The following SLC7A2 variants were observed in gnomAD, a reference collection of about 807,000 sequenced individuals.
The protein encoded by SLC7A2 is cationic amino acid transporter 2.
Under a neutral mutation model 58.9 loss-of-function variants are expected in SLC7A2, and 48 were observed. The ratio of observed to expected loss-of-function variants is 0.82; its 90% confidence interval spans 0.65 to 1.04. The LOEUF is 1.04. Ranked by LOEUF, SLC7A2 falls within the 50% of genes least tolerant of loss-of-function variation. SLC7A2 has a pLI of 0.00. For synonymous variants in SLC7A2, 363 were observed against 314.5 expected, an observed-to-expected ratio of 1.15 and a Z score of -1.63; for missense variants, 1,029 against 818.8, an observed-to-expected ratio of 1.26 and a Z score of -3.13.
chr8:17,532,266 C>A (rs1358606136), intron 2 of SLC7A2, among the ~76,000 whole-genome samples: 4 of 111,990 alleles, frequency 3.6e-5, no homozygotes, highest in Admixed American at 1.0e-4. Flanking sequence ...AAAACCCCAG[C>A]AATTCTAGGG....
chr8:17,560,864 C>T (rs1054422340), intron 10 of SLC7A2, among the ~76,000 whole-genome samples: 14 of 152,142 alleles, frequency 9.2e-5, no homozygotes, highest in East Asian at 5.8e-4. Context: ...GACTGGAACC[C>T]GATGGAATTG....
chr8:17,543,120 A>T (rs1487908988), intron 2 of SLC7A2, among the ~76,000 whole-genome samples, 198 bp from the exon 3 acceptor site: 1 of 152,068 alleles, frequency 6.6e-6, no homozygotes, highest in East Asian at 1.9e-4. Context: ...ACTACAGGAA[A>T]TTCGAGGCTC....
chr8:17,568,307 T>C lies in SLC7A2; in HGVS notation c.*3161T>C, dbSNP rs1457427899. ...GCAATGGCAGTCCTACATTTAAGAA[T>C]AGAGCTATGCAAACTCTGTTAAAAA... is the stretch of plus-strand genomic sequence containing the variant. On this transcript the variant is annotated 3_prime_UTR_variant, in exon 13 of 13. Coordinates refer to ENST00000494857, the MANE Select transcript of SLC7A2 (RefSeq NM_001370338.1). 1 of 152,068 alleles carries C rather than the reference T, an allele frequency of 6.6e-6. No individual in the cohort carries two copies. Among genetic ancestry groups the C allele is most frequent in the Admixed American group, 6.5e-5 (1 of 15,268 alleles). 9.4% of individuals were successfully genotyped at this position (152,068 alleles called of 1,614,324 possible). A position where few individuals can be genotyped will look rare whatever the true frequency, so the allele number is the denominator to read the frequency against.
At chr8:17,534,206 T>G (rs576882794) in intron 2 of SLC7A2, among the ~76,000 whole-genome samples, 5 of 152,236 alleles carry the variant, frequency 3.3e-5, no homozygotes, top group African/African-American at 1.2e-4. Flanking sequence ...AGGAACATGG[T>G]TTCATCCAGG....
intron 8 of SLC7A2, among the ~76,000 whole-genome samples, chr8:17,556,576 C>T (rs1234495986): frequency 6.6e-6 from 1 of 151,660 alleles, no homozygotes; most frequent in Admixed American, 6.6e-5. Context: ...TTTAAGCATA[C>T]CAAAATTGTA....
In SLC7A2 at chr8:17,497,177, C is replaced by T. The variant is rs1234139202; in HGVS notation, c.-129C>T. 6.6e-6 allele frequency: 1 copy of T among 151,878 alleles called. No individual in the cohort carries two copies. The highest frequency in any genetic ancestry group is 1.5e-5 in the Non-Finnish European group (1 of 67,934). 9.4% of individuals were successfully genotyped at this position (151,878 alleles called of 1,614,324 possible). On this transcript the variant is annotated 5_prime_UTR_variant, in exon 1 of 13. Transcript: ENST00000494857. The stretch of plus-strand genomic sequence containing the variant: ...TCCAGCGTCCCCCAGCCGCGGGCCC[C>T]CGACGCGCTGCAGCCGGCAGCCCAC...
intron 2 of SLC7A2, among the ~76,000 whole-genome samples, chr8:17,520,031 G>A (rs1206248462): frequency 1.3e-5 from 2 of 152,150 alleles, no homozygotes; most frequent in African/African-American, 2.4e-5. Context: ...GTGATGATCA[G>A]AGTGAAACAT....
chr8:17,524,354 C>A (rs533397091), intron 2 of SLC7A2, among the ~76,000 whole-genome samples: 1 of 151,658 alleles, frequency 6.6e-6, no homozygotes, highest in Non-Finnish European at 1.5e-5. Context: ...GGAATCAGCT[C>A]AAAAATCCCA....
chr8:17,508,328 C>T (rs554041241), intron 2 of SLC7A2, among the ~76,000 whole-genome samples: 52 of 152,262 alleles, frequency 3.4e-4, no homozygotes, highest in African/African-American at 1.2e-3. Flanking sequence ...ATGTGAAGGA[C>T]AAACAACCTT....
chr8:17,515,833 C>T (rs1800783483), intron 2 of SLC7A2, among the ~76,000 whole-genome samples: 1 of 152,202 alleles, frequency 6.6e-6, no homozygotes, highest in Non-Finnish European at 1.5e-5. Flanking sequence ...CAAAATTCCT[C>T]AATCAACTGT....
rs897786852 is a variant in SLC7A2 at position 17,567,879 on chromosome 8, T to C, written c.*2733T>C. On this transcript the variant is annotated 3_prime_UTR_variant, in exon 13 of 13. Coordinates refer to ENST00000494857, the MANE Select transcript of SLC7A2 (RefSeq NM_001370338.1). ...TGGAATGGAGAAGAGGTAGGGGCAT[T>C]TGGGGATTCCTGTTTACTTGCTGCT... 1 of 152,196 alleles carries C rather than the reference T, an allele frequency of 6.6e-6. No individual in the cohort carries two copies. The highest frequency in any genetic ancestry group is 2.4e-5 in the African/African-American group (1 of 41,448). The allele number at this position is 152,196 out of a possible 1,614,324, so 9.4% of individuals were successfully genotyped here. A position where few individuals can be genotyped will look rare whatever the true frequency, so the allele number is the denominator to read the frequency against.
intron 2 of SLC7A2, among the ~76,000 whole-genome samples, chr8:17,519,975 C>T (rs1460470341): frequency 1.3e-5 from 2 of 152,076 alleles, no homozygotes; most frequent in African/African-American, 2.4e-5. Flanking sequence ...ATCTTATTCC[C>T]CAACAATGAC....
intron 2 of SLC7A2, among the ~76,000 whole-genome samples, chr8:17,515,932 A>T (rs1357567218): frequency 6.6e-6 from 1 of 152,096 alleles, no homozygotes; most frequent in African/African-American, 2.4e-5. Flanking sequence ...GGAGATTTGC[A>T]TTTTATTGGA....
chr8:17,532,741 G>T (rs182425998), intron 2 of SLC7A2, among the ~76,000 whole-genome samples: 11 of 152,202 alleles, frequency 7.2e-5, no homozygotes, highest in Admixed American at 2.0e-4. Flanking sequence ...AATAAAGTGT[G>T]AAAAGTAGGT....
At chr8:17,516,155 A>T (rs1323588888) in intron 2 of SLC7A2, among the ~76,000 whole-genome samples, 1 of 152,014 alleles carries the variant, frequency 6.6e-6, no homozygotes, top group Non-Finnish European at 1.5e-5. Context: ...TATTTGTCAG[A>T]CACTTTGCTT....
intron 2 of SLC7A2, among the ~76,000 whole-genome samples, chr8:17,537,133 C>T (rs7462798): frequency 0.12 from 17,801 of 152,166 alleles, 1,438 homozygotes; most frequent in Non-Finnish European, 0.18. Context: ...CTTGGCTCAC[C>T]GCAACCTCTG....
rs1308064097 is a variant in SLC7A2 at position 17,567,587 on chromosome 8, T to C, written c.*2441T>C. The stretch of plus-strand genomic sequence containing the variant: ...GTGTATATATATATCTGTGTGTGTG[T>C]ATCTCTAACGTCAGTGTATAAGTAA... On this transcript the variant is annotated 3_prime_UTR_variant, in exon 13 of 13. Transcript: ENST00000494857. 1 of 152,662 alleles carries C rather than the reference T, an allele frequency of 6.6e-6. No homozygotes were observed. The highest frequency in any genetic ancestry group is 1.5e-5 in the Non-Finnish European group (1 of 68,046). The allele number at this position is 152,662 out of a possible 1,614,324, so 9.5% of individuals were successfully genotyped here.
chr8:17,514,987 A>G (rs1201722100), intron 2 of SLC7A2, among the ~76,000 whole-genome samples: 1 of 152,244 alleles, frequency 6.6e-6, no homozygotes, highest in East Asian at 1.9e-4. Context: ...ATGAGTACAT[A>G]CATGGGTAGA....
chr8:17,561,253 A>C (rs1440022278), intron 10 of SLC7A2, among the ~76,000 whole-genome samples: 1 of 152,230 alleles, frequency 6.6e-6, no homozygotes, highest in South Asian at 2.1e-4. Flanking sequence ...TAAATTATAA[A>C]GAAAAAGGTT....
Sources: allele counts gnomAD v4.1 joint callset (sites outside exome capture counted in the v4.1 genomes callset), GRCh38; gene constraint gnomAD v4.1.1; transcripts MANE v1.5; gene names NCBI Gene and HGNC (gene_info 2026-07-23, HGNC 2026-07-21).